WASHC2A: variants seen among roughly 807,000 people sequenced by gnomAD.
The protein encoded by WASHC2A is WASH complex subunit FAM21A.
A neutral mutation model predicts 140.3 loss-of-function variants in WASHC2A; 82 were observed. The ratio of observed to expected loss-of-function variants is 0.58; its 90% CI spans 0.49 to 0.70. The LOEUF (loss-of-function observed/expected upper bound fraction) is 0.70, where lower values mean the gene tolerates loss of function less well. Ranked by LOEUF, WASHC2A falls within the 30% of genes least tolerant of loss-of-function variation. The pLI, the probability that WASHC2A is intolerant of heterozygous loss-of-function variation, is 0.00. For missense variants in WASHC2A, 985 were observed against 1,521.8 expected (o/e 0.65, Z 5.87); for synonymous variants, 340 against 560.8 (o/e 0.61, Z 5.56).
At chr10:50,103,453 A>G (rs1841427790) in intron 17 of WASHC2A, among the ~76,000 whole-genome samples, 1 of 152,092 alleles carries the variant, frequency 6.6e-6, no homozygotes, top group Non-Finnish European at 1.5e-5. Flanking sequence ...TCAGCTACTC[A>G]GGAGGCAGAG....
At position 50,127,129 on chromosome 10, in the gene WASHC2A, T is replaced by C. The variant is rs1843504870; in HGVS notation, c.2812-31T>C. ...AACACTTGTCTTTCTGTTTCCCAAA[T>C]GGATTTTTAACTGGATGTAATTTTA... On this transcript the variant is annotated intron_variant, in intron 26 of 30. Coordinates refer to ENST00000282633, the MANE Select transcript of WASHC2A (RefSeq NM_001005751.3). The C allele has an allele frequency of 1.9e-6, 3 of 1,611,912 alleles. No homozygotes were observed. In the African/African-American group the frequency reaches 4.0e-5, roughly 22 times the overall value.
intron 3 of WASHC2A, among the ~76,000 whole-genome samples, chr10:50,077,011 G>A (rs1340663804): frequency 6.6e-6 from 1 of 151,868 alleles, no homozygotes; most frequent in Non-Finnish European, 1.5e-5. Flanking sequence ...CAGCTACTCG[G>A]GAGGCTGAGG....
intron 20 of WASHC2A, among the ~76,000 whole-genome samples, chr10:50,113,391 A>G (rs1453063075): frequency 6.6e-6 from 1 of 151,608 alleles, no homozygotes; most frequent in Non-Finnish European, 1.5e-5. Flanking sequence ...AAGTAAATAC[A>G]AGGTGAATTT....
Position 50,125,558 on chromosome 10 carries a change from C to T in WASHC2A, c.2688+109C>T. On this transcript the variant is annotated intron_variant, in intron 25 of 30. Transcript: ENST00000282633. ...AAATCCTAGGAGAGTCGTGCTGCTTCCTACTAAATGAATGGCAAATAACAT... is the reference window on the plus strand; with the variant it reads ...AAATCCTAGGAGAGTCGTGCTGCTTTCTACTAAATGAATGGCAAATAACAT... 5.6e-6 allele frequency: 9 copies of T among 1,606,598 alleles called. No individual in the cohort carries two copies. The South Asian group carries it at 9.9e-5, about 18-fold the overall frequency.
intron 8 of WASHC2A, among the ~76,000 whole-genome samples, chr10:50,087,729 G>A (rs1370287289): frequency 2.6e-5 from 4 of 152,082 alleles, no homozygotes; most frequent in Non-Finnish European, 5.9e-5. Flanking sequence ...CTTAATTTTT[G>A]AATAGCTAAA....
chr10:50,126,357 A>C, intron 26 of WASHC2A, 178 bp downstream of exon 26: 2 of 1,018,606 alleles, frequency 2.0e-6, no homozygotes, highest in African/African-American at 1.6e-5. Flanking sequence ...CTCGCTCCAC[A>C]CGCCAGAGTT....
intron 18 of WASHC2A, among the ~76,000 whole-genome samples, chr10:50,105,351 C>G (rs1841652791): frequency 6.8e-6 from 1 of 146,444 alleles, no homozygotes; most frequent in African/African-American, 2.6e-5. Flanking sequence ...ACTTGCAAAC[C>G]AGGGACCTGG....
rs1408485320 is a variant in WASHC2A, at chr10:50,120,677, A to G, written c.2478+908A>G. 8.8e-5 allele frequency among the ~76,000 whole-genome samples: 13 copies of G among 147,552 alleles called. 1 individual carries two copies. The highest frequency in any genetic ancestry group is 1.6e-4 in the Non-Finnish European group (11 of 67,912). The stretch of plus-strand genomic sequence containing the variant: ...ATTCTGTGAGGTTAGTATGACCCTG[A>G]TATTAAAACTAGACAGTGACATCAC... On this transcript the variant is annotated intron_variant, in intron 23 of 30. Transcript: ENST00000282633.
chr10:50,126,329 C>T (rs1295131253), intron 26 of WASHC2A, 150 bp downstream of exon 26: 14 of 1,384,068 alleles, frequency 1.0e-5, no homozygotes, highest in Non-Finnish European at 1.4e-5. Context: ...GCACTCCCCC[C>T]AAGTCATCTC....
chr10:50,077,293 C>CTAAA lies in WASHC2A; in HGVS notation c.292-1366_292-1363dup, dbSNP rs1191003485. Reference sequence around the variant, plus strand: ...TGGGTGACAGAGCTAGACTCTGTCTCTAAATAAATAAATAAATAAGCAGGA... The same window carrying CTAAA: ...TGGGTGACAGAGCTAGACTCTGTCTCTAAATAAATAAATAAATAAATAAGCAGGA... On this transcript the variant is annotated intron_variant, in intron 3 of 30. Transcript: ENST00000282633. Among the ~76,000 whole-genome samples the CTAAA allele has an allele frequency of 1.4e-3, 217 of 151,554 alleles. 2 individuals are homozygous for CTAAA. Among genetic ancestry groups the CTAAA allele is most frequent in the Non-Finnish European group, 1.9e-3 (132 of 67,920 alleles).
intron 17 of WASHC2A, among the ~76,000 whole-genome samples, chr10:50,103,344 G>C (rs1589231626): frequency 6.6e-6 from 1 of 151,760 alleles, no homozygotes; most frequent in Non-Finnish European, 1.5e-5. Context: ...CGGATCACAA[G>C]GTCAGGAGAT....
chr10:50,109,772 T>A (rs1335061124), intron 19 of WASHC2A, among the ~76,000 whole-genome samples: 1 of 152,104 alleles, frequency 6.6e-6, no homozygotes, highest in African/African-American at 2.4e-5. Context: ...GCCATTGGAC[T>A]TTTTTTTCTT....
chr10:50,075,638 G>T (rs1464817592), intron 3 of WASHC2A, among the ~76,000 whole-genome samples: 1 of 148,808 alleles, frequency 6.7e-6, no homozygotes, highest in East Asian at 1.9e-4. Flanking sequence ...AACCTTTATT[G>T]TGTAGTTGTT....
At position 50,132,921 on chromosome 10, in the gene WASHC2A, C is replaced by T; in HGVS notation, c.4002C>T (p.Pro1334=). The T allele has an allele frequency of 3.1e-6, 5 of 1,611,992 alleles. No individual in the cohort carries two copies. The South Asian group carries it at 5.5e-5, about 18-fold the overall frequency. Reference sequence around the variant, plus strand: ...AGGTGTCCAACATCTTTGATGATCCCCTGAATGCCTTTGGAGGCCAGTAGA... The same window carrying T: ...AGGTGTCCAACATCTTTGATGATCCTCTGAATGCCTTTGGAGGCCAGTAGA... ...EHKVSNIFDD[P]LNAFGGQ Residue 1334 remains proline (P), a synonymous_variant, in exon 31 of 31, where the codon CCC becomes CCT. Coordinates refer to ENST00000282633, the MANE Select transcript of WASHC2A (RefSeq NM_001005751.3).
intron 23 of WASHC2A, among the ~76,000 whole-genome samples, chr10:50,122,013 TTA>T (rs1843069219): frequency 1.9e-5 from 2 of 108,094 alleles, no homozygotes; most frequent in East Asian, 6.3e-4. Context: ...CCTAAAATTT[TTA>T]TGGAACTGTA....
At chr10:50,079,382 T>C (rs1838684238) in intron 4 of WASHC2A, among the ~76,000 whole-genome samples, 3 of 152,178 alleles carry the variant, frequency 2.0e-5, no homozygotes, top group Non-Finnish European at 4.4e-5. Flanking sequence ...AGTTATTTTA[T>C]TTTATTTTTT....
rs781862399 is a variant in WASHC2A, at chr10:50,067,964, G to C, written c.-42G>C. On this transcript the variant is annotated 5_prime_UTR_variant, in exon 1 of 31. Transcript: ENST00000282633. ...CTTCCGGGGCTCTGCAGTCCTCGGC[G>C]TGTGCTGGCAGCTTCGGAGCCCACC... 25 of 1,596,974 alleles carry C rather than the reference G, an allele frequency of 1.6e-5. No homozygotes were observed. Among genetic ancestry groups the C allele is most frequent in the Middle Eastern group, 2.3e-4 (1 of 4,422 alleles).
At chr10:50,103,458 G>A (rs1351419432) in intron 17 of WASHC2A, among the ~76,000 whole-genome samples, 4 of 152,126 alleles carry the variant, frequency 2.6e-5, no homozygotes, top group African/African-American at 9.7e-5. Context: ...TACTCAGGAG[G>A]CAGAGGCAGG....
chr10:50,104,763 C>T (rs1412411752), intron 18 of WASHC2A, among the ~76,000 whole-genome samples: 2 of 150,038 alleles, frequency 1.3e-5, no homozygotes, highest in Non-Finnish European at 3.0e-5. Context: ...TTTTGACTTC[C>T]ACATTGCAGT....
Sources: allele counts gnomAD v4.1 joint callset (sites outside exome capture counted in the v4.1 genomes callset), GRCh38; gene constraint gnomAD v4.1.1; transcripts MANE v1.5; gene names NCBI Gene and HGNC (gene_info 2026-07-23, HGNC 2026-07-21).